Variants in SDK1 observed in about 807,000 individuals in gnomAD.
The protein encoded by SDK1 is protein sidekick-1.
SDK1 carries 157 observed loss-of-function variants against 245.5 expected under a neutral mutation model. That is an observed-to-expected ratio of 0.64 (90% CI 0.56 to 0.73). The LOEUF is 0.73. Among genes scored for constraint, SDK1 ranks in the 30% least tolerant of loss-of-function variants. The pLI is 0.00. For synonymous variants in SDK1, 1,647 were observed against 1,278.5 expected (o/e 1.29, Z -6.15); for missense variants, 3,583 against 3,002.3 (o/e 1.19, Z -4.52).
At chr7:3,446,132 C>T (rs1383342161) in intron 1 of SDK1, among the ~76,000 whole-genome samples, 1 of 152,026 alleles carries the variant, frequency 6.6e-6, no homozygotes. Context: ...GAGTTGGTTT[C>T]CCTGTTAGGT....
chr7:3,541,963 A>G (rs1396093593), intron 1 of SDK1, among the ~76,000 whole-genome samples: 1 of 152,198 alleles, frequency 6.6e-6, no homozygotes, highest in Non-Finnish European at 1.5e-5. Flanking sequence ...TAATTATAAA[A>G]CTTGTGGGTG....
At position 3,405,159 on chromosome 7, in the gene SDK1, C is replaced by CAA. The variant is rs751705504; in HGVS notation, c.298+103285_298+103286dup. ...GACTTCCTCATTTGTAAAAAAAAACCAAAAAAAAAAACAAAAACAAAAACA... is the reference window on the plus strand; with the variant it reads ...GACTTCCTCATTTGTAAAAAAAAACCAAAAAAAAAAAAACAAAAACAAAAACA... On this transcript the variant is annotated intron_variant, in intron 1 of 44. Coordinates refer to ENST00000404826, the MANE Select transcript of SDK1 (RefSeq NM_152744.4). Among the ~76,000 whole-genome samples, 624 of 124,002 alleles carry CAA rather than the reference C, an allele frequency of 5.0e-3. 9 individuals are homozygous for CAA. The highest frequency in any genetic ancestry group is 0.02 in the South Asian group (81 of 3,960). 81.4% of individuals were successfully genotyped at this position (124,002 alleles called of 152,430 possible). A position where few individuals can be genotyped will look rare whatever the true frequency, so the allele number is the denominator to read the frequency against.
intron 17 of SDK1, among the ~76,000 whole-genome samples, chr7:4,030,674 T>C (rs569649922): frequency 2.6e-5 from 4 of 152,238 alleles, no homozygotes; most frequent in Non-Finnish European, 4.4e-5. Flanking sequence ...GTGATTTTAA[T>C]TTCATATAAC....
intron 1 of SDK1, among the ~76,000 whole-genome samples, chr7:3,615,184 C>G (rs902102932): frequency 6.6e-6 from 1 of 151,570 alleles, no homozygotes; most frequent in Non-Finnish European, 1.5e-5. Flanking sequence ...TATGAAGTGG[C>G]ATTTCTTTTT....
intron 5 of SDK1, among the ~76,000 whole-genome samples, chr7:3,879,236 G>A (rs1781148452): frequency 6.6e-6 from 1 of 152,192 alleles, no homozygotes; most frequent in South Asian, 2.1e-4. Flanking sequence ...GGCTGCAAGA[G>A]TGTGTGATTA....
At chr7:3,380,727 C>T (rs755625844) in intron 1 of SDK1, among the ~76,000 whole-genome samples, 4 of 152,100 alleles carry the variant, frequency 2.6e-5, no homozygotes, top group Non-Finnish European at 5.9e-5. Flanking sequence ...GGCTTTTGAC[C>T]TCATCATAAC....
At chr7:3,572,523 G>C (rs1304163075) in intron 1 of SDK1, among the ~76,000 whole-genome samples, 1 of 151,970 alleles carries the variant, frequency 6.6e-6, no homozygotes, top group African/African-American at 2.4e-5. Context: ...GTGCGAGAAA[G>C]AGCAAAGATT....
intron 1 of SDK1, among the ~76,000 whole-genome samples, chr7:3,528,035 A>G (rs118117550): frequency 1.4e-5 from 2 of 145,844 alleles, no homozygotes; most frequent in South Asian, 2.2e-4. Flanking sequence ...GTTGGATGAT[A>G]GTCAGCTAGG....
intron 28 of SDK1, among the ~76,000 whole-genome samples, chr7:4,143,103 C>A (rs937147458): frequency 6.6e-6 from 1 of 152,170 alleles, no homozygotes; most frequent in Non-Finnish European, 1.5e-5. Flanking sequence ...TTGGGGGTGT[C>A]ACTCCTCAGG....
At chr7:4,136,518 A>G (rs1369562553) in intron 28 of SDK1, among the ~76,000 whole-genome samples, 1 of 152,248 alleles carries the variant, frequency 6.6e-6, no homozygotes, top group Non-Finnish European at 1.5e-5. Context: ...GAACCACAGC[A>G]GGCACCTAGA....
At chr7:3,914,634 C>T (rs963481193) in intron 5 of SDK1, among the ~76,000 whole-genome samples, 1 of 152,200 alleles carries the variant, frequency 6.6e-6, no homozygotes, top group Non-Finnish European at 1.5e-5. Context: ...TCTTTCCCAA[C>T]TCTTATTGCA....
intron 1 of SDK1, among the ~76,000 whole-genome samples, chr7:3,572,213 T>G (rs1341986106): frequency 6.6e-6 from 1 of 152,084 alleles, no homozygotes; most frequent in African/African-American, 2.4e-5. Flanking sequence ...GTAACTCACA[T>G]TCTTTTTAAA....
At chr7:3,527,865 G>A (rs1371692122) in intron 1 of SDK1, among the ~76,000 whole-genome samples, 1 of 151,208 alleles carries the variant, frequency 6.6e-6, no homozygotes, top group East Asian at 2.0e-4. Flanking sequence ...GGTGAGGCTG[G>A]ATGATAGTCA....
intron 4 of SDK1, among the ~76,000 whole-genome samples, chr7:3,778,612 A>T (rs554898010): frequency 6.6e-6 from 1 of 152,360 alleles, no homozygotes; most frequent in Admixed American, 6.5e-5. Flanking sequence ...TTGTAGCGAA[A>T]GCACTTCACG....
intron 5 of SDK1, among the ~76,000 whole-genome samples, chr7:3,949,982 A>G (rs941855921): frequency 7.9e-5 from 12 of 152,222 alleles, no homozygotes; most frequent in Non-Finnish European, 1.8e-4. Flanking sequence ...TGGCTGATAC[A>G]TGAAATATTT....
chr7:3,904,192 C>G (rs899713811), intron 5 of SDK1, among the ~76,000 whole-genome samples: 1 of 152,140 alleles, frequency 6.6e-6, no homozygotes, highest in Non-Finnish European at 1.5e-5. Context: ...ACACAAAGAC[C>G]CACATACTGC....
chr7:3,717,156 A>G (rs1785227971), intron 4 of SDK1, among the ~76,000 whole-genome samples: 1 of 152,244 alleles, frequency 6.6e-6, no homozygotes, highest in Non-Finnish European at 1.5e-5. Context: ...GATGCCTCTT[A>G]TAACAATTAG....
chr7:3,795,790 A>C (rs74335364), intron 4 of SDK1, among the ~76,000 whole-genome samples: 6,460 of 152,292 alleles, frequency 0.042, 158 homozygotes, highest in East Asian at 0.09. Flanking sequence ...AGTCACAAGA[A>C]TGGGTTTATA....
chr7:3,655,774 T>C (rs756822214), intron 4 of SDK1, among the ~76,000 whole-genome samples: 7 of 151,908 alleles, frequency 4.6e-5, no homozygotes, highest in African/African-American at 7.3e-5. Flanking sequence ...GGTGTGAGAC[T>C]AAGTACACTA....
Sources: allele counts gnomAD v4.1 joint callset (sites outside exome capture counted in the v4.1 genomes callset), GRCh38; gene constraint gnomAD v4.1.1; transcripts MANE v1.5; gene names NCBI Gene and HGNC (gene_info 2026-07-23, HGNC 2026-07-21).